The following CDH12 variants were observed in gnomAD, a reference collection of about 807,000 sequenced individuals.
The protein encoded by CDH12 is cadherin-12.
In CDH12, 41 loss-of-function variants were observed where a neutral mutation model predicts 74.1. That is an observed-to-expected ratio of 0.55 (90% confidence interval 0.43 to 0.72). The LOEUF (loss-of-function observed/expected upper bound fraction) is 0.72, where lower values mean the gene tolerates loss of function less well. CDH12 is among the 30% of genes least tolerant of loss of function. The pLI, the probability that CDH12 is intolerant of heterozygous loss-of-function variation, is 0.00. For synonymous variants in CDH12, 399 were observed against 355.0 expected, an observed-to-expected ratio of 1.12 and a Z score of -1.39; for missense variants, 945 against 977.2, an observed-to-expected ratio of 0.97 and a Z score of 0.44.
intron 1 of CDH12, among the ~76,000 whole-genome samples, chr5:22,801,298 T>TA (rs764790147): frequency 6.6e-5 from 10 of 152,054 alleles, no homozygotes; most frequent in Non-Finnish European, 1.0e-4. Flanking sequence ...ATCAGAAAAT[T>TA]AGGCTTCGTA....
intron 5 of CDH12, among the ~76,000 whole-genome samples, chr5:22,045,782 G>A (rs912729823): frequency 1.3e-5 from 2 of 152,062 alleles, no homozygotes; most frequent in South Asian, 2.1e-4. Flanking sequence ...AGTTACCATC[G>A]GCTGAGGAGG....
chr5:22,359,967 A>G (rs1310194662), intron 3 of CDH12, among the ~76,000 whole-genome samples: 1 of 152,214 alleles, frequency 6.6e-6, no homozygotes, highest in Admixed American at 6.5e-5. Flanking sequence ...AAATGCCCAC[A>G]AAAGAAAGCA....
chr5:22,421,490 A>C lies in CDH12; in HGVS notation c.-427-16139T>G, dbSNP rs529881284. Among the ~76,000 whole-genome samples the C allele has an allele frequency of 8.5e-5, 13 of 152,248 alleles. No homozygotes were observed. The East Asian group carries it at 2.1e-3, about 25-fold the overall frequency. Reference sequence around the variant, plus strand: ...GCTGAGAATGATAGTTTCCAGCTTCATCCATATCCCTGCAAAGGACATGAA... The same window carrying C: ...GCTGAGAATGATAGTTTCCAGCTTCCTCCATATCCCTGCAAAGGACATGAA... On this transcript the variant is annotated intron_variant, in intron 2 of 14. Coordinates refer to ENST00000382254, the MANE Select transcript of CDH12 (RefSeq NM_004061.5).
rs376418839 is a variant in CDH12 at position 21,765,020 on chromosome 5, C to G, written c.1473G>C (p.Val491=). Residue 491 remains valine, a synonymous_variant, in exon 12 of 15, where the codon GTG becomes GTC. Coordinates refer to ENST00000382254, the MANE Select transcript of CDH12 (RefSeq NM_004061.5). ...TTTCACACACGGCTGTCTCATATGGCACAGATATTTCTGGAGGAAATTCAT... is the reference window on the plus strand; with the variant it reads ...TTTCACACACGGCTGTCTCATATGGGACAGATATTTCTGGAGGAAATTCAT... ...DVNEFPPEIS[V]PYETAVCENA... 5 of 1,612,998 alleles carry G rather than the reference C, an allele frequency of 3.1e-6. No individual in the cohort carries two copies. Among genetic ancestry groups the G allele is most frequent in the Non-Finnish European group, 4.2e-6 (5 of 1,179,442 alleles).
At chr5:22,718,073 A>G (rs1743675208) in intron 1 of CDH12, among the ~76,000 whole-genome samples, 1 of 152,214 alleles carries the variant, frequency 6.6e-6, no homozygotes, top group Non-Finnish European at 1.5e-5. Flanking sequence ...ATTTTAGCTA[A>G]TACATGTTTA....
At chr5:22,517,691 A>G (rs1483697322) in intron 1 of CDH12, among the ~76,000 whole-genome samples, 3 of 152,206 alleles carry the variant, frequency 2.0e-5, no homozygotes, top group African/African-American at 7.2e-5. Context: ...TGCACAGGAC[A>G]TCAGACTACA....
chr5:21,772,132 G>T (rs1385896338), intron 11 of CDH12, among the ~76,000 whole-genome samples: 1 of 152,120 alleles, frequency 6.6e-6, no homozygotes, highest in African/African-American at 2.4e-5. Context: ...GTTGGGCTTA[G>T]AATTTTATTT....
At chr5:22,434,681 G>T (rs1038551626) in intron 2 of CDH12, among the ~76,000 whole-genome samples, 1 of 152,042 alleles carries the variant, frequency 6.6e-6, no homozygotes, top group East Asian at 1.9e-4. Context: ...TAATGCAGGG[G>T]CTATTATGTA....
At chr5:22,802,119 A>ATTTTT (rs397883677) in intron 1 of CDH12, among the ~76,000 whole-genome samples, 1 of 123,552 alleles carries the variant, frequency 8.1e-6, no homozygotes, top group African/African-American at 3.1e-5. Flanking sequence ...TTAAATTCGT[A>ATTTTT]TTTTTTTTTT....
At chr5:21,996,686 C>A (rs1483848560) in intron 5 of CDH12, among the ~76,000 whole-genome samples, 2 of 152,004 alleles carry the variant, frequency 1.3e-5, no homozygotes, top group East Asian at 1.9e-4. Context: ...ATATTATGTT[C>A]CTATAAAATT....
intron 1 of CDH12, among the ~76,000 whole-genome samples, chr5:22,533,488 C>T (rs1397370969): frequency 6.6e-6 from 1 of 152,140 alleles, no homozygotes; most frequent in Non-Finnish European, 1.5e-5. Flanking sequence ...TGCTACTTGA[C>T]CTTGAATAAG....
At chr5:22,713,163 G>A (rs563760) in intron 1 of CDH12, among the ~76,000 whole-genome samples, 35,437 of 105,568 alleles carry the variant, frequency 0.34, 5,579 homozygotes, top group Middle Eastern at 0.4. Flanking sequence ...TTTTTTTGAG[G>A]TGGAGTCTTG....
At chr5:22,785,492 C>T (rs906795034) in intron 1 of CDH12, among the ~76,000 whole-genome samples, 3 of 151,992 alleles carry the variant, frequency 2.0e-5, no homozygotes, top group African/African-American at 7.2e-5. Context: ...TACCTATTTT[C>T]TGTTATGTTT....
At chr5:22,631,682 C>T (rs1738592318) in intron 1 of CDH12, among the ~76,000 whole-genome samples, 1 of 152,074 alleles carries the variant, frequency 6.6e-6, no homozygotes, top group South Asian at 2.1e-4. Context: ...TTAAATGTCT[C>T]ATTGTTCTGC....
At chr5:22,249,717 C>T (rs1394450263) in intron 3 of CDH12, among the ~76,000 whole-genome samples, 3 of 152,048 alleles carry the variant, frequency 2.0e-5, no homozygotes, top group African/African-American at 2.4e-5. Context: ...TTGTTATGAT[C>T]GTCTCATGTT....
intron 4 of CDH12, among the ~76,000 whole-genome samples, chr5:22,150,709 C>G (rs10035879): frequency 0.16 from 24,411 of 151,972 alleles, 2,279 homozygotes; most frequent in African/African-American, 0.26. Flanking sequence ...GGTAATGCCC[C>G]AAATCTTATC....
At chr5:22,493,854 T>C (rs1263809554) in intron 2 of CDH12, among the ~76,000 whole-genome samples, 3 of 152,130 alleles carry the variant, frequency 2.0e-5, no homozygotes, top group Non-Finnish European at 2.9e-5. Context: ...TAATGTTAGA[T>C]ACAGATAACT....
At chr5:22,599,392 C>T (rs1225107432) in intron 1 of CDH12, among the ~76,000 whole-genome samples, 1 of 152,186 alleles carries the variant, frequency 6.6e-6, no homozygotes, top group Non-Finnish European at 1.5e-5. Context: ...GGTGACTTTA[C>T]ATTCACTGGG....
At chr5:22,653,826 T>A (rs1739866429) in intron 1 of CDH12, among the ~76,000 whole-genome samples, 1 of 152,220 alleles carries the variant, frequency 6.6e-6, no homozygotes, top group African/African-American at 2.4e-5. Flanking sequence ...ATTGAAGCTT[T>A]TGGCCCATTT....
Sources: allele counts gnomAD v4.1 joint callset (sites outside exome capture counted in the v4.1 genomes callset), GRCh38; gene constraint gnomAD v4.1.1; transcripts MANE v1.5; gene names NCBI Gene and HGNC (gene_info 2026-07-23, HGNC 2026-07-21).